GPC5: variants seen among roughly 807,000 people sequenced by gnomAD.
The protein encoded by GPC5 is glypican 5, also known as glypican-5.
A neutral mutation model predicts 53.9 loss-of-function variants in GPC5; 47 were observed. The observed-to-expected ratio is 0.87, with a 90% confidence interval of 0.69 to 1.11. The LOEUF (loss-of-function observed/expected upper bound fraction) is 1.11. Ranked by LOEUF, GPC5 falls within the 50% of genes most tolerant of loss-of-function variation. The probability of loss-of-function intolerance (pLI) is 0.00; values close to 1 mark genes in which losing one functional copy is unlikely to be tolerated. For synonymous variants in GPC5, 286 were observed against 263.3 expected (o/e 1.09, Z -0.84); for missense variants, 748 against 713.1 (o/e 1.05, Z -0.56).
At chr13:92,613,324 T>G (rs374626518) in intron 7 of GPC5, among the ~76,000 whole-genome samples, 1,160 of 105,810 alleles carry the variant, frequency 0.011, 27 homozygotes, top group South Asian at 0.054. Flanking sequence ...TAATAAATAT[T>G]TATATAATAT....
intron 7 of GPC5, among the ~76,000 whole-genome samples, chr13:92,306,974 A>G (rs1316366017): frequency 6.6e-6 from 1 of 152,212 alleles, no homozygotes; most frequent in Non-Finnish European, 1.5e-5. Flanking sequence ...TAATTAATTT[A>G]GAGAAGCATA....
At chr13:91,658,478 A>C (rs903463418) in intron 2 of GPC5, among the ~76,000 whole-genome samples, 2 of 152,158 alleles carry the variant, frequency 1.3e-5, no homozygotes, top group African/African-American at 2.4e-5. Flanking sequence ...AATTCACATA[A>C]TTGATTCCAA....
At chr13:92,282,000 A>T (rs2042919083) in intron 7 of GPC5, among the ~76,000 whole-genome samples, 1 of 152,220 alleles carries the variant, frequency 6.6e-6, no homozygotes, top group African/African-American at 2.4e-5. Context: ...AAACCTTGAA[A>T]AAAGATTAGA....
chr13:91,907,844 G>A (rs1247221232), intron 5 of GPC5, 93 bp from the exon 6 acceptor site: 26 of 1,307,646 alleles, frequency 2.0e-5, no homozygotes, highest in Non-Finnish European at 2.8e-5. Context: ...TTCTCTAAAG[G>A]AGGAAATTCC....
intron 2 of GPC5, among the ~76,000 whole-genome samples, chr13:91,645,102 C>T (rs2034527383): frequency 6.6e-6 from 1 of 152,164 alleles, no homozygotes; most frequent in Non-Finnish European, 1.5e-5. Context: ...CATGACCTTG[C>T]CCTGGGATAG....
intron 2 of GPC5, among the ~76,000 whole-genome samples, chr13:91,635,838 T>C (rs1331906835): frequency 6.6e-6 from 1 of 152,168 alleles, no homozygotes; most frequent in Non-Finnish European, 1.5e-5. Context: ...TGGGATTTTA[T>C]TGAATTTATA....
chr13:91,962,465 T>C (rs927497462), intron 6 of GPC5, among the ~76,000 whole-genome samples: 14 of 152,152 alleles, frequency 9.2e-5, no homozygotes, highest in Admixed American at 6.6e-5. Context: ...CTGGAGTAGA[T>C]GGCCAATAAA....
At chr13:91,580,682 T>C (rs984638521) in intron 2 of GPC5, among the ~76,000 whole-genome samples, 4 of 152,250 alleles carry the variant, frequency 2.6e-5, no homozygotes, top group African/African-American at 9.6e-5. Context: ...CTTGCTGCAT[T>C]GGCACCCTTT....
At chr13:91,765,803 C>A (rs1292544504) in intron 5 of GPC5, among the ~76,000 whole-genome samples, 13 of 152,012 alleles carry the variant, frequency 8.6e-5, no homozygotes, top group Admixed American at 7.2e-4. Flanking sequence ...AAAATAAATT[C>A]TTTAAAATAT....
chr13:92,506,878 A>G (rs1238449923), intron 7 of GPC5, among the ~76,000 whole-genome samples: 1 of 152,228 alleles, frequency 6.6e-6, no homozygotes, highest in African/African-American at 2.4e-5. Context: ...TATGATTCTA[A>G]GAATCAGGAG....
intron 6 of GPC5, among the ~76,000 whole-genome samples, chr13:91,957,068 A>T (rs2040080000): frequency 6.6e-6 from 1 of 152,178 alleles, no homozygotes; most frequent in Non-Finnish European, 1.5e-5. Flanking sequence ...GAAAGACATT[A>T]CAAAGAAACC....
chr13:92,228,038 G>C (rs2042501340), intron 7 of GPC5, among the ~76,000 whole-genome samples: 1 of 151,788 alleles, frequency 6.6e-6, no homozygotes, highest in South Asian at 2.1e-4. Context: ...TTCATAAAGT[G>C]GATCGTCATA....
chr13:92,093,726 T>C (rs2138900319), intron 6 of GPC5, among the ~76,000 whole-genome samples: 1 of 152,322 alleles, frequency 6.6e-6, no homozygotes, highest in Admixed American at 6.5e-5. Flanking sequence ...ACCCAGTGTA[T>C]GCCAACAATT....
chr13:91,488,930 G>A (rs962670605), intron 2 of GPC5, among the ~76,000 whole-genome samples: 1 of 152,340 alleles, frequency 6.6e-6, no homozygotes, highest in African/African-American at 2.4e-5. Flanking sequence ...CTCGAAAATG[G>A]CCGCTTTGGG....
At chr13:92,484,187 G>A (rs72640238) in intron 7 of GPC5, among the ~76,000 whole-genome samples, 25,896 of 151,922 alleles carry the variant, frequency 0.17, 2,231 homozygotes, top group Middle Eastern at 0.21. Context: ...AAGATCATCA[G>A]TATCACTGTC....
At chr13:92,144,275 T>C (rs1302116876) in intron 6 of GPC5, among the ~76,000 whole-genome samples, 2 of 152,210 alleles carry the variant, frequency 1.3e-5, no homozygotes, top group South Asian at 2.1e-4. Flanking sequence ...AGGACCTAAG[T>C]CTTTTGTCCC....
chr13:92,477,273 A>G (rs1449761852), intron 7 of GPC5, among the ~76,000 whole-genome samples: 1 of 151,880 alleles, frequency 6.6e-6, no homozygotes, highest in Non-Finnish European at 1.5e-5. Flanking sequence ...CCCTTGTTAA[A>G]GTAATCCCAC....
chr13:92,264,563 A>C (rs1385907291), intron 7 of GPC5, among the ~76,000 whole-genome samples: 3 of 152,054 alleles, frequency 2.0e-5, no homozygotes, highest in Non-Finnish European at 4.4e-5. Context: ...CGTTTTGTCC[A>C]ATTCTTTGTT....
intron 5 of GPC5, among the ~76,000 whole-genome samples, chr13:91,786,273 G>A (rs1318639652): frequency 6.6e-6 from 1 of 152,172 alleles, no homozygotes; most frequent in Non-Finnish European, 1.5e-5. Flanking sequence ...GGGATTACAG[G>A]CGTGAGCCAC....
Sources: allele counts gnomAD v4.1 joint callset (sites outside exome capture counted in the v4.1 genomes callset), GRCh38; gene constraint gnomAD v4.1.1; transcripts MANE v1.5; gene names NCBI Gene and HGNC (gene_info 2026-07-23, HGNC 2026-07-21).